Variants in ZNF333 observed in about 807,000 individuals in gnomAD.
ZNF333 encodes zinc finger protein 333.
In ZNF333, 61 loss-of-function variants were observed where a neutral mutation model predicts 76.1. The ratio of observed to expected loss-of-function variants is 0.80; its 90% CI spans 0.65 to 0.99. The LOEUF (loss-of-function observed/expected upper bound fraction) is 0.99, where lower values mean the gene tolerates loss of function less well. Ranked by LOEUF, ZNF333 falls within the 50% of genes least tolerant of loss-of-function variation. The pLI is 0.00. For synonymous variants in ZNF333, 284 were observed against 305.0 expected (o/e 0.93, Z 0.72); for missense variants, 717 against 822.4 (o/e 0.87, Z 1.57).
chr19:14,716,036 C>T, intron 8 of ZNF333, 76 bp from the exon 9 acceptor site: 3 of 1,591,842 alleles, frequency 1.9e-6, no homozygotes, highest in South Asian at 2.3e-5. Flanking sequence ...CTTCCCCAGG[C>T]TTGCCAGCCT....
intron 9 of ZNF333, among the ~76,000 whole-genome samples, chr19:14,716,684 G>A (rs1332315149): frequency 6.6e-6 from 1 of 152,190 alleles, no homozygotes; most frequent in African/African-American, 2.4e-5. Flanking sequence ...CTACTTACTG[G>A]CCTTTCTATG....
At chr19:14,718,085 C>A in intron 11 of ZNF333, 143 bp from the exon 12 acceptor site, 1 of 1,169,118 alleles carries the variant, frequency 8.6e-7, no homozygotes, top group Non-Finnish European at 1.2e-6. Context: ...CTTGAAGGAA[C>A]TCTGGATAGA....
chr19:14,731,853 C>T (rs951772477), exon 12 of ZNF333: 1 of 152,168 alleles, frequency 6.6e-6, no homozygotes, highest in Non-Finnish European at 1.5e-5. Flanking sequence ...AGAGAATGGA[C>T]TTAATAAATT....
At chr19:14,728,395 G>A (rs1305753816) in intron 11 of ZNF333, among the ~76,000 whole-genome samples, 1 of 152,188 alleles carries the variant, frequency 6.6e-6, no homozygotes, top group African/African-American at 2.4e-5. Flanking sequence ...TCTGGCTGAA[G>A]TTGTGGGGGT....
chr19:14,706,249 C>A, intron 6 of ZNF333: 1 of 447,932 alleles, frequency 2.2e-6, no homozygotes, highest in Non-Finnish European at 4.5e-6. Flanking sequence ...GTTTCCTGAG[C>A]GAGCAGCTGC....
At chr19:14,698,935 T>TACACAC (rs1555771124) in intron 4 of ZNF333, among the ~76,000 whole-genome samples, 15 of 139,326 alleles carry the variant, frequency 1.1e-4, no homozygotes, top group African/African-American at 3.6e-4. Context: ...TATATATATA[T>TACACAC]ACACACATAT....
rs56066058 is a variant in ZNF333, at chr19:14,721,280, C to CTTTTTT, written c.*1975_*1980dup. ...GGACTAGTCTCCATTTTTACTTGTT[C>CTTTTTT]TTTTTTTTTTTTTTTTTTTTTTTTT... On this transcript the variant is annotated 3_prime_UTR_variant, in exon 12 of 12. Coordinates refer to ENST00000292530, the MANE Select transcript of ZNF333 (RefSeq NM_032433.4). 61 of 87,864 alleles carry CTTTTTT rather than the reference C, an allele frequency of 6.9e-4. No individual in the cohort carries two copies. The highest frequency in any genetic ancestry group is 2.2e-3 in the South Asian group (5 of 2,304). 5.4% of individuals were successfully genotyped at this position (87,864 alleles called of 1,614,324 possible).
rs189415594 is a variant in ZNF333, at chr19:14,708,111, G to A, written c.511+1338G>A. ...CAACCTCTGCCTCCCGGGTTCAAGC[G>A]ATTTTCCTGCCTCAGCCTCCCGAGT... On this transcript the variant is annotated intron_variant, in intron 7 of 11. Coordinates refer to ENST00000292530, the MANE Select transcript of ZNF333 (RefSeq NM_032433.4). 6.6e-3 allele frequency: 2,551 copies of A among 385,462 alleles called. 12 individuals carry two copies. Among genetic ancestry groups the A allele is most frequent in the Non-Finnish European group, 9.2e-3 (1,998 of 218,196 alleles). The allele number at this position is 385,462 out of a possible 1,614,324, so 23.9% of individuals were successfully genotyped here.
At chr19:14,712,515 C>T (rs1911294280) in intron 7 of ZNF333, among the ~76,000 whole-genome samples, 1 of 152,108 alleles carries the variant, frequency 6.6e-6, no homozygotes, top group South Asian at 2.1e-4. Flanking sequence ...GCCACTGTGC[C>T]TGGCCTAGTT....
At position 14,718,887 on chromosome 19, in the gene ZNF333, T is replaced by C. The variant is rs747332924; in HGVS notation, c.1560T>C (p.His520=). The stretch of plus-strand genomic sequence containing the variant: ...GCAAGCCCTTCCGGACGAGCACTCA[T>C]CTGAACGTGCACAAGAGGATACACA... ...QCGKPFRTST[H]LNVHKRIHTG... The change falls in exon 12 of 12, where the codon CAT becomes CAC. Residue 520 remains histidine, a synonymous_variant. Coordinates refer to ENST00000292530, the MANE Select transcript of ZNF333 (RefSeq NM_032433.4). 3.1e-6 allele frequency: 5 copies of C among 1,614,098 alleles called. No individual in the cohort carries two copies. The highest frequency in any genetic ancestry group is 4.2e-6 in the Non-Finnish European group (5 of 1,180,022).
Position 14,719,150 on chromosome 19 carries a change from A to G in ZNF333, c.1823A>G (p.His608Arg), listed in dbSNP as rs2042530739. 2 of 1,614,068 alleles carry G rather than the reference A, an allele frequency of 1.2e-6. No individual in the cohort carries two copies. Among genetic ancestry groups the G allele is most frequent in the East Asian group, 2.2e-5 (1 of 44,894 alleles). Residue 608 changes from histidine (H) to arginine (R), a missense_variant, in exon 12 of 12, where the codon CAT becomes CGT. Physicochemically the swap from His to Arg is conservative, Grantham distance 29. Transcript: ENST00000292530. ...AFGQSSHLIV[H>R]VRTHSAGRPY... ...GGTCAGTCTTCACATCTTATTGTAC[A>G]TGTGAGAACACACAGTGCCGGGAGA...
Position 14,721,280 on chromosome 19 carries a change from C to CTTTTTTTTTTTTTT in ZNF333, c.*1967_*1980dup, listed in dbSNP as rs56066058. 31 of 87,866 alleles carry CTTTTTTTTTTTTTT rather than the reference C, an allele frequency of 3.5e-4. No homozygotes were observed. Among genetic ancestry groups the CTTTTTTTTTTTTTT allele is most frequent in the Middle Eastern group, 0.011 (1 of 92 alleles). The allele number at this position is 87,866 out of a possible 1,614,324, so 5.4% of individuals were successfully genotyped here. A position where few individuals can be genotyped will look rare whatever the true frequency, so the allele number is the denominator to read the frequency against. Reference sequence around the variant, plus strand: ...GGACTAGTCTCCATTTTTACTTGTTCTTTTTTTTTTTTTTTTTTTTTTTTT... The same window carrying CTTTTTTTTTTTTTT: ...GGACTAGTCTCCATTTTTACTTGTTCTTTTTTTTTTTTTTTTTTTTTTTTTTTTTTTTTTTTTTT... On this transcript the variant is annotated 3_prime_UTR_variant, in exon 12 of 12. Transcript: ENST00000292530.
At chr19:14,727,191 C>A (rs2042638447) in intron 11 of ZNF333, among the ~76,000 whole-genome samples, 1 of 152,032 alleles carries the variant, frequency 6.6e-6, no homozygotes, top group Non-Finnish European at 1.5e-5. Flanking sequence ...CCACGCCTGG[C>A]TAATTTTTTT....
Position 14,693,458 on chromosome 19 carries a change from A to G in ZNF333, c.-34A>G. ...GTGTCTCCTTTATTGCAGGGAGAAC[A>G]CCGACTGAGACCTCAAACCCTGGCT... On this transcript the variant is annotated 5_prime_UTR_variant, in exon 2 of 12. Transcript: ENST00000292530. 1.9e-6 allele frequency: 3 copies of G among 1,597,830 alleles called. No individual in the cohort carries two copies. Among genetic ancestry groups the G allele is most frequent in the Non-Finnish European group, 2.6e-6 (3 of 1,168,192 alleles).
downstream of ZNF333, among the ~76,000 whole-genome samples, chr19:14,726,591 G>A (rs542752587): frequency 4.8e-4 from 73 of 152,200 alleles, no homozygotes; most frequent in Non-Finnish European, 9.0e-4. Flanking sequence ...AGAAGCAGCC[G>A]TGCCTCTCCT....
chr19:14,691,786 C>T (rs1054753189), intron 1 of ZNF333, among the ~76,000 whole-genome samples: 13 of 148,424 alleles, frequency 8.8e-5, no homozygotes, highest in Admixed American at 3.4e-4. Context: ...AAGCAATTCT[C>T]GTGCCTCAGC....
At chr19:14,727,353 C>T (rs998676715) in intron 11 of ZNF333, among the ~76,000 whole-genome samples, 1 of 152,142 alleles carries the variant, frequency 6.6e-6, no homozygotes. Context: ...AATTGGCTCA[C>T]TGTTTTGCAG....
downstream of ZNF333, among the ~76,000 whole-genome samples, chr19:14,725,463 T>C (rs1599764523): frequency 6.6e-6 from 1 of 152,160 alleles, no homozygotes; most frequent in Admixed American, 6.6e-5. Context: ...TGTTCCACCA[T>C]CAACTCAATC....
At chr19:14,729,553 A>G (rs981322985) in intron 11 of ZNF333, among the ~76,000 whole-genome samples, 2 of 151,858 alleles carry the variant, frequency 1.3e-5, no homozygotes, top group African/African-American at 4.8e-5. Flanking sequence ...GGGTTTCTCC[A>G]TTTTGCCCAG....
Sources: allele counts gnomAD v4.1 joint callset (sites outside exome capture counted in the v4.1 genomes callset), GRCh38; gene constraint gnomAD v4.1.1; transcripts MANE v1.5; gene names NCBI Gene and HGNC (gene_info 2026-07-23, HGNC 2026-07-21).